Variants in DCC observed in about 807,000 individuals in gnomAD.
The protein encoded by DCC is netrin receptor DCC.
Under a neutral mutation model 172.5 loss-of-function variants are expected in DCC, and 58 were observed. The observed-to-expected ratio is 0.34, with a 90% CI of 0.27 to 0.42. DCC has a LOEUF of 0.42. DCC is among the 10% of genes least tolerant of loss of function. The probability of loss-of-function intolerance (pLI) is 1.00; values close to 1 mark genes in which losing one functional copy is unlikely to be tolerated. For missense variants in DCC, 1,740 were observed against 1,791.0 expected (o/e 0.97, Z 0.51); for synonymous variants, 709 against 644.5 (o/e 1.10, Z -1.52).
At chr18:53,107,105 C>T (rs1332922838) in intron 7 of DCC, among the ~76,000 whole-genome samples, 2 of 151,798 alleles carry the variant, frequency 1.3e-5, no homozygotes, top group African/African-American at 4.8e-5. Context: ...CTAAGAATGC[C>T]TAACTTCCTG....
Position 53,215,605 on chromosome 18 carries a change from G to C in DCC, c.1911+8G>C. Reference sequence around the variant, plus strand: ...GAAGTGGTCAATTCAAGAGTAAGTTGGCTAAATGTTCACTACTCCATTACC... The same window carrying C: ...GAAGTGGTCAATTCAAGAGTAAGTTCGCTAAATGTTCACTACTCCATTACC... On this transcript the variant is annotated splice_region_variant and intron_variant, in intron 12 of 28. Coordinates refer to ENST00000442544, the MANE Select transcript of DCC (RefSeq NM_005215.4). The C allele has an allele frequency of 6.2e-7, 1 of 1,610,856 alleles. No homozygotes were observed. The highest frequency in any genetic ancestry group is 8.5e-7 in the Non-Finnish European group (1 of 1,177,146).
At chr18:53,489,651 AGAAAT>A (rs1468010610) in intron 26 of DCC, among the ~76,000 whole-genome samples, 1 of 152,224 alleles carries the variant, frequency 6.6e-6, no homozygotes, top group Non-Finnish European at 1.5e-5. Flanking sequence ...GAGTTTTATA[AGAAAT>A]GAAATGAATC....
chr18:53,166,395 T>C (rs1289233567), intron 8 of DCC, among the ~76,000 whole-genome samples: 2 of 152,090 alleles, frequency 1.3e-5, no homozygotes, highest in Non-Finnish European at 2.9e-5. Context: ...GACAGAGATA[T>C]GTATCAGGAA....
At chr18:52,865,661 G>A (rs555310140) in intron 2 of DCC, among the ~76,000 whole-genome samples, 47 of 151,610 alleles carry the variant, frequency 3.1e-4, no homozygotes, top group African/African-American at 9.2e-4. Context: ...TTTTGAGAAG[G>A]GTCTGTTCAT....
At chr18:53,114,662 G>C (rs546923179) in intron 7 of DCC, among the ~76,000 whole-genome samples, 1 of 151,666 alleles carries the variant, frequency 6.6e-6, no homozygotes, top group South Asian at 2.1e-4. Context: ...AAGTAGAGTG[G>C]TGGGTTATTG....
chr18:52,818,253 A>T (rs992932142), intron 2 of DCC: 4 of 151,392 alleles, frequency 2.6e-5, no homozygotes, highest in African/African-American at 7.3e-5. Context: ...GGTGACAAAA[A>T]ATTTAAAAAT....
At chr18:53,086,016 C>CTTATTAT (rs2042879696) in intron 7 of DCC, among the ~76,000 whole-genome samples, 2 of 894 alleles carry the variant, frequency 2.2e-3, no homozygotes, top group African/African-American at 0.028. Context: ...CCTTCTCCTT[C>CTTATTAT]TCCCTCTCCC....
At chr18:52,516,497 G>A (rs1275160593) in intron 1 of DCC, among the ~76,000 whole-genome samples, 3 of 152,178 alleles carry the variant, frequency 2.0e-5, no homozygotes, top group Non-Finnish European at 4.4e-5. Flanking sequence ...CCATTAGGAG[G>A]AACTGAACAA....
At chr18:53,312,495 A>G (rs2057286636) in intron 13 of DCC, among the ~76,000 whole-genome samples, 1 of 150,842 alleles carries the variant, frequency 6.6e-6, no homozygotes, top group Admixed American at 6.6e-5. Flanking sequence ...TTCAGGAACT[A>G]GATCTAAGAT....
At chr18:52,582,011 C>T (rs995068790) in intron 1 of DCC, among the ~76,000 whole-genome samples, 1 of 152,106 alleles carries the variant, frequency 6.6e-6, no homozygotes, top group Non-Finnish European at 1.5e-5. Flanking sequence ...CCGTATGCAA[C>T]TTTTTATGAT....
chr18:53,000,131 C>T (rs10775503), intron 5 of DCC, among the ~76,000 whole-genome samples: 71,151 of 151,750 alleles, frequency 0.47, 17,762 homozygotes, highest in Non-Finnish European at 0.57. Context: ...TCTCTAGAAC[C>T]GAGACAAGAA....
chr18:52,398,354 C>A (rs1986310066), intron 1 of DCC, among the ~76,000 whole-genome samples: 1 of 151,972 alleles, frequency 6.6e-6, no homozygotes, highest in South Asian at 2.1e-4. Context: ...AGGAAAAGTT[C>A]ATTCCACTCT....
chr18:53,150,733 G>T (rs1179171810), intron 7 of DCC, among the ~76,000 whole-genome samples: 1 of 152,202 alleles, frequency 6.6e-6, no homozygotes, highest in Admixed American at 6.5e-5. Flanking sequence ...AGCTGAGTTT[G>T]CAGCACACAA....
chr18:53,276,321 C>CAAAT (rs2056806534), intron 12 of DCC, among the ~76,000 whole-genome samples: 1 of 152,098 alleles, frequency 6.6e-6, no homozygotes, highest in African/African-American at 2.4e-5. Context: ...TCCCCATGGA[C>CAAAT]AAATATGTCA....
At chr18:53,197,090 T>A (rs2069191) in intron 9 of DCC, among the ~76,000 whole-genome samples, 5 of 151,870 alleles carry the variant, frequency 3.3e-5, no homozygotes, top group Non-Finnish European at 7.4e-5. Flanking sequence ...TCAAAGCATA[T>A]ACTTTATTAT....
intron 2 of DCC, among the ~76,000 whole-genome samples, chr18:52,772,944 T>C (rs1256839590): frequency 6.6e-6 from 1 of 152,188 alleles, no homozygotes; most frequent in Non-Finnish European, 1.5e-5. Flanking sequence ...GAAAATAAAC[T>C]GCAAATTGTT....
chr18:53,099,658 C>T (rs1439244906), intron 7 of DCC, among the ~76,000 whole-genome samples: 1 of 152,070 alleles, frequency 6.6e-6, no homozygotes, highest in Non-Finnish European at 1.5e-5. Context: ...TAATGATTGA[C>T]AACAGGTAGG....
chr18:52,509,314 A>G (rs1199556924), intron 1 of DCC, among the ~76,000 whole-genome samples: 2 of 152,216 alleles, frequency 1.3e-5, no homozygotes, highest in African/African-American at 4.8e-5. Context: ...AAATATTTTC[A>G]GTTAAAATAG....
intron 12 of DCC, among the ~76,000 whole-genome samples, chr18:53,272,645 TTTG>T (rs569682075): frequency 4.9e-4 from 74 of 152,262 alleles, no homozygotes; most frequent in African/African-American, 1.3e-3. Flanking sequence ...TCAGTAATTA[TTTG>T]TTGAGTGTCT....
Sources: gnomAD v4.1 joint callset for allele counts (sites outside exome capture counted in the v4.1 genomes callset) on GRCh38, gnomAD v4.1.1 for gene constraint, MANE v1.5 for transcripts, NCBI Gene and HGNC (gene_info 2026-07-23, HGNC 2026-07-21) for gene names.